KCNQ2: variants seen among roughly 807,000 people sequenced by gnomAD.
KCNQ2 encodes the protein potassium voltage-gated channel subfamily Q member 2.
In KCNQ2, 14 loss-of-function variants were observed where a neutral mutation model predicts 84.8. The ratio of observed to expected loss-of-function variants is 0.17; its 90% CI spans 0.11 to 0.26. The LOEUF (loss-of-function observed/expected upper bound fraction) is 0.26. Among genes scored for constraint, KCNQ2 ranks in the 10% least tolerant of loss-of-function variants. The pLI is 1.00. For missense variants in KCNQ2, 788 were observed against 1,254.0 expected (o/e 0.63, Z 5.61); for synonymous variants, 599 against 554.1 (o/e 1.08, Z -1.14).
rs530438647 is a variant in KCNQ2, at chr20:63,407,885, G to C, written c.1888-510C>G. The C allele has an allele frequency of 1.4e-5, 3 of 207,858 alleles. No individual in the cohort carries two copies. The East Asian group carries it at 3.8e-4, about 26-fold the overall frequency. The allele number at this position is 207,858 out of a possible 1,614,324, so 12.9% of individuals were successfully genotyped here. On this transcript the variant is annotated intron_variant, in intron 16 of 16. Transcript: ENST00000359125. The surrounding 1 kb of genome is among the most constrained non-coding windows in gnomAD (Gnocchi z 7.2). ...GCCTCCAGCTCCACGGTTGGGGCGT[G>C]TGTTCAGAGCCAGGCCCTCCTGCTG...
Position 63,472,140 on chromosome 20 carries a change from C to T in KCNQ2, c.296+28G>A, listed in dbSNP as rs2082231964. 16 of 1,459,932 alleles carry T rather than the reference C, an allele frequency of 1.1e-5. No homozygotes were observed. In the East Asian group the frequency reaches 4.4e-4, roughly 40 times the overall value. 90.4% of individuals were successfully genotyped at this position (1,459,932 alleles called of 1,614,324 possible). The stretch of plus-strand genomic sequence containing the variant: ...CGCCGATGGGGGTCGCCATGGGGGT[C>T]GCCACGGGGGCCCCGCCGGCCACTC... On this transcript the variant is annotated intron_variant, in intron 1 of 16. Coordinates refer to ENST00000359125, the MANE Select transcript of KCNQ2 (RefSeq NM_172107.4).
intron 10 of KCNQ2, 56 bp from the exon 11 acceptor site, chr20:63,424,262 C>A (rs2080563510): frequency 1.9e-6 from 3 of 1,543,872 alleles, no homozygotes; most frequent in Non-Finnish European, 2.6e-6. Flanking sequence ...CCATGAGGGT[C>A]CCCCAACCAG....
intron 15 of KCNQ2, chr20:63,412,211 C>T (rs558936453): frequency 1.1e-5 from 3 of 271,302 alleles, no homozygotes; most frequent in South Asian, 5.5e-5. Context: ...CAACGGGAAA[C>T]GCATTGTCAG....
rs766556903 is a variant in KCNQ2 at position 63,415,107 on chromosome 20, C to T, written c.1321G>A (p.Asp441Asn). 16 of 1,601,004 alleles carry T rather than the reference C, an allele frequency of 1.0e-5. No homozygotes were observed. In the South Asian group the frequency reaches 1.8e-4, roughly 18 times the overall value. Residue 441 changes from aspartate to asparagine, a missense_variant, in exon 13 of 17, where the codon GAT becomes AAT. Physicochemically the swap from Asp to Asn is conservative, Grantham distance 23. Transcript: ENST00000359125. ...CCTCGGGGGCTGGAGAAGACACGATCTTTCAAACTGACCTTCTGGCTGCTC... is the reference window on the plus strand; with the variant it reads ...CCTCGGGGGCTGGAGAAGACACGATTTTTCAAACTGACCTTCTGGCTGCTC... ...GRSSQKVSLK[D>N]RVFSSPRGVA...
intron 1 of KCNQ2, among the ~76,000 whole-genome samples, chr20:63,464,509 G>A (rs73148410): frequency 0.066 from 10,101 of 152,102 alleles, 621 homozygotes; most frequent in African/African-American, 0.16. Context: ...TGCCCCCCAC[G>A]CACAGCAGCC....
At chr20:63,415,969 A>G (rs532205166) in intron 12 of KCNQ2, among the ~76,000 whole-genome samples, 4 of 151,374 alleles carry the variant, frequency 2.6e-5, no homozygotes, top group African/African-American at 9.7e-5. Flanking sequence ...GTTCAGCCAC[A>G]CTCCGGCCTT....
chr20:63,442,899 TCACCACCACCATCAC>T (rs2081247727), intron 4 of KCNQ2, among the ~76,000 whole-genome samples: 1 of 21,514 alleles, frequency 4.6e-5, no homozygotes, highest in Non-Finnish European at 8.2e-5. Context: ...ATCACCACCA[TCACCACCACCATCAC>T]CATCACCACC....
In KCNQ2 at chr20:63,468,462, G is replaced by A. The variant is rs376569479; in HGVS notation, c.296+3706C>T. 2.0e-4 allele frequency among the ~76,000 whole-genome samples: 31 copies of A among 152,340 alleles called. No homozygotes were observed. The East Asian group carries it at 5.4e-3, about 27-fold the overall frequency. On this transcript the variant is annotated intron_variant, in intron 1 of 16. Transcript: ENST00000359125. The stretch of plus-strand genomic sequence containing the variant: ...GCCTGCCCACCCCAGCCAGCCCTTC[G>A]AGGGCTCACACCAGCCCCAGAGCTG...
chr20:63,470,524 C>G (rs1363321253), intron 1 of KCNQ2, among the ~76,000 whole-genome samples: 1 of 152,226 alleles, frequency 6.6e-6, no homozygotes, highest in Non-Finnish European at 1.5e-5. Context: ...CAGGCCCAGG[C>G]AGGGGGCGGC....
chr20:63,410,876 C>G (rs2080100768), intron 15 of KCNQ2: 6 of 373,202 alleles, frequency 1.6e-5, no homozygotes, highest in South Asian at 9.8e-5. Context: ...GGGGTCTATG[C>G]TCAGCCTCCA....
chr20:63,457,773 G>A lies in KCNQ2; in HGVS notation c.297-10936C>T, dbSNP rs114182242. The stretch of plus-strand genomic sequence containing the variant: ...AACCACAGGTCCTTCCAGGGCCTTC[G>A]CCCCGGCCCAGAAAGAGGGGGCATC... On this transcript the variant is annotated intron_variant, in intron 1 of 16. Coordinates refer to ENST00000359125, the MANE Select transcript of KCNQ2 (RefSeq NM_172107.4). Among the ~76,000 whole-genome samples, 1,183 of 152,294 alleles carry A rather than the reference G, an allele frequency of 7.8e-3. 22 individuals carry two copies. Among genetic ancestry groups the A allele is most frequent in the African/African-American group, 0.026 (1,076 of 41,566 alleles).
rs369599954 is a variant in KCNQ2 at position 63,408,746 on chromosome 20, G to A, written c.1764-210C>T. Among the ~76,000 whole-genome samples, 8 of 152,184 alleles carry A rather than the reference G, an allele frequency of 5.3e-5. No homozygotes were observed. The highest frequency in any genetic ancestry group is 1.9e-4 in the East Asian group (1 of 5,198). On this transcript the variant is annotated intron_variant, in intron 15 of 16. Coordinates refer to ENST00000359125, the MANE Select transcript of KCNQ2 (RefSeq NM_172107.4). This position sits in a 1 kb window ranked among gnomAD's most constrained non-coding sequence, Gnocchi z 5.0. ...GCACCGTGAGGTTCTGCTCCTGCCC[G>A]CTCTGTCCCCAAGGGGCCTGGCACA...
At chr20:63,419,988 A>T (rs141194280) in intron 11 of KCNQ2, among the ~76,000 whole-genome samples, 136 of 152,384 alleles carry the variant, frequency 8.9e-4, no homozygotes, top group African/African-American at 3.1e-3. Flanking sequence ...TGACAAAACA[A>T]TAATACATGT....
Position 63,406,787 on chromosome 20 carries a change from G to T in KCNQ2, c.2476C>A (p.Pro826Thr). The change falls in exon 17 of 17, where the codon CCT becomes ACT. Residue 826 changes from proline (P) to threonine (T), a missense_variant. This residue lies in a region of KCNQ2 where 378 missense variants were observed against 434.5 expected (regional missense o/e 0.87). Coordinates refer to ENST00000359125, the MANE Select transcript of KCNQ2 (RefSeq NM_172107.4). ...ALNSCYAAVAPCAKVRPYIAE... is the reference protein window; with the variant it reads ...ALNSCYAAVATCAKVRPYIAE... The stretch of plus-strand genomic sequence containing the variant: ...ATGTAGGGCCTGACTTTGGCACAAG[G>T]CGCCACGGCCGCGTAGCAGCTGTTG... 6.2e-7 allele frequency: 1 copy of T among 1,612,612 alleles called. No individual in the cohort carries two copies. Among genetic ancestry groups the T allele is most frequent in the Non-Finnish European group, 8.5e-7 (1 of 1,179,860 alleles).
At position 63,406,186 on chromosome 20, in the gene KCNQ2, C is replaced by T. The variant is rs556844291; in HGVS notation, c.*458G>A. ...GCCTGTAGCTGCCCGGAAACCCCACCGGGACCCAAGGCCGCAGGTCCTCAC... is the reference window on the plus strand; with the variant it reads ...GCCTGTAGCTGCCCGGAAACCCCACTGGGACCCAAGGCCGCAGGTCCTCAC... On this transcript the variant is annotated 3_prime_UTR_variant, in exon 17 of 17. Coordinates refer to ENST00000359125, the MANE Select transcript of KCNQ2 (RefSeq NM_172107.4). The T allele has an allele frequency of 3.6e-5, 6 of 165,532 alleles. No homozygotes were observed. The highest frequency in any genetic ancestry group is 5.7e-5 in the Admixed American group (1 of 17,692). 10.3% of individuals were successfully genotyped at this position (165,532 alleles called of 1,614,324 possible).
At chr20:63,423,919 C>G in intron 11 of KCNQ2, 1 of 530,990 alleles carries the variant, frequency 1.9e-6, no homozygotes, top group Non-Finnish European at 3.4e-6. Context: ...GATCCCCCAC[C>G]CCCGAGAAGC....
In KCNQ2 at chr20:63,472,050, A is replaced by C. The variant is rs1805927341; in HGVS notation, c.296+118T>G. 7.4e-6 allele frequency: 5 copies of C among 679,780 alleles called. No homozygotes were observed. The South Asian group carries it at 1.1e-4, about 15-fold the overall frequency. 42.1% of individuals were successfully genotyped at this position (679,780 alleles called of 1,614,324 possible). A position where few individuals can be genotyped will look rare whatever the true frequency, so the allele number is the denominator to read the frequency against. ...TCCCGCCGGGGAGCGCCGGCCCCGG[A>C]CCCAGACCCAGGGGCAGGGAGCCAA... On this transcript the variant is annotated intron_variant, in intron 1 of 16. Transcript: ENST00000359125.
In KCNQ2 at chr20:63,472,474, G is replaced by C; in HGVS notation, c.-11C>G. 1.3e-6 allele frequency: 2 copies of C among 1,493,826 alleles called. No homozygotes were observed. Among genetic ancestry groups the C allele is most frequent in the East Asian group, 2.8e-5 (1 of 35,752 alleles). 92.5% of individuals were successfully genotyped at this position (1,493,826 alleles called of 1,614,324 possible). A position where few individuals can be genotyped will look rare whatever the true frequency, so the allele number is the denominator to read the frequency against. On this transcript the variant is annotated 5_prime_UTR_variant, in exon 1 of 17. Coordinates refer to ENST00000359125, the MANE Select transcript of KCNQ2 (RefSeq NM_172107.4). ...CGACTTCTGCACCATGGTGCCTGGC[G>C]GGAGGCGCCCCGGGTCGGGCTCAGG... is the stretch of plus-strand genomic sequence containing the variant.
At chr20:63,427,417 CCCGGTATTAAAGT>C (rs1455972938) in intron 10 of KCNQ2, among the ~76,000 whole-genome samples, 4 of 152,352 alleles carry the variant, frequency 2.6e-5, no homozygotes, top group Middle Eastern at 6.8e-3. Flanking sequence ...GCACGCGGCT[CCCGGTATTAAAGT>C]CTGGATTCAT....
Sources: gnomAD v4.1 joint callset for allele counts (sites outside exome capture counted in the v4.1 genomes callset) on GRCh38, gnomAD v4.1.1 for gene constraint, gnomAD v4.1.1 regional missense constraint, Gnocchi (gnomAD v3.1) non-coding constraint, MANE v1.5 for transcripts, NCBI Gene and HGNC (gene_info 2026-07-23, HGNC 2026-07-21) for gene names.